The following KDM2B variants were observed in gnomAD, a reference collection of about 807,000 sequenced individuals.
KDM2B encodes the protein lysine-specific demethylase 2B.
In KDM2B, 26 loss-of-function variants were observed where a neutral mutation model predicts 150.0. That is an observed-to-expected ratio of 0.17 (90% CI 0.13 to 0.24). KDM2B has a LOEUF of 0.24. Ranked by LOEUF, KDM2B falls within the 10% of genes least tolerant of loss-of-function variation. The pLI, the probability that KDM2B is intolerant of heterozygous loss-of-function variation, is 1.00. For synonymous variants in KDM2B, 734 were observed against 729.5 expected, an observed-to-expected ratio of 1.01 and a Z score of -0.10; for missense variants, 1,265 against 1,816.9, an observed-to-expected ratio of 0.70 and a Z score of 5.52.
chr12:121,444,599 C>T lies in KDM2B; in HGVS notation c.2104-63G>A, dbSNP rs1593759941. 8 of 1,352,276 alleles carry T rather than the reference C, an allele frequency of 5.9e-6. No homozygotes were observed. In the East Asian group the frequency reaches 1.8e-4, roughly 31 times the overall value. The allele number at this position is 1,352,276 out of a possible 1,614,324, so 83.8% of individuals were successfully genotyped here. A position where few individuals can be genotyped will look rare whatever the true frequency, so the allele number is the denominator to read the frequency against. ...GAGAAGATGGCCCACGGGCACAAGG[C>T]TCTGTGACGCCACGTCTTCCAGAAG... On this transcript the variant is annotated intron_variant, in intron 14 of 22. Transcript: ENST00000377071.
intron 4 of KDM2B, among the ~76,000 whole-genome samples, chr12:121,563,042 G>A (rs1457035991): frequency 6.6e-6 from 1 of 152,190 alleles, no homozygotes; most frequent in Non-Finnish European, 1.5e-5. Context: ...GTGGGCCCTG[G>A]TGCAATGGCT....
In KDM2B at chr12:121,538,736, TCAAGCCTC is replaced by T. The variant is rs1888367989; in HGVS notation, c.684-4154_684-4147del. ...AGATAAGCACAGGGAGGCTTGTGAC[TCAAGCCTC>T]GAGTTCGGGTCCAGCCTCCAGTTCG... is the stretch of plus-strand genomic sequence containing the variant. On this transcript the variant is annotated intron_variant, in intron 6 of 22. Transcript: ENST00000377071. Among the ~76,000 whole-genome samples the T allele has an allele frequency of 3.3e-5, 5 of 152,232 alleles. No homozygotes were observed. In the South Asian group the frequency reaches 1.0e-3, roughly 32 times the overall value.
chr12:121,574,514 A>G (rs1555316545), intron 4 of KDM2B, 33 bp downstream of exon 4: 1 of 1,608,522 alleles, frequency 6.2e-7, no homozygotes, highest in Non-Finnish European at 8.5e-7. Flanking sequence ...CTACTTCAGC[A>G]TGTCTGAGCC....
At chr12:121,580,316 G>C (rs1477053900) in intron 1 of KDM2B, 1 of 1,040,358 alleles carries the variant, frequency 9.6e-7, no homozygotes, top group Non-Finnish European at 1.2e-6. Flanking sequence ...ATCGCGCTCG[G>C]AGCCCGCGGC....
chr12:121,458,076 C>G (rs577086032), intron 12 of KDM2B, among the ~76,000 whole-genome samples: 5 of 152,116 alleles, frequency 3.3e-5, no homozygotes, highest in Admixed American at 1.3e-4. Flanking sequence ...AGACTCAACG[C>G]GACCCCAAGC....
chr12:121,494,359 T>A, intron 12 of KDM2B: 1 of 476,216 alleles, frequency 2.1e-6, no homozygotes, highest in Middle Eastern at 5.9e-4. Context: ...GTTTTCCAAG[T>A]GACCACCAGG....
At position 121,547,369 on chromosome 12, in the gene KDM2B, AAG is replaced by A. The variant is rs201645439; in HGVS notation, c.683+1506_683+1507del. On this transcript the variant is annotated intron_variant, in intron 6 of 22. Transcript: ENST00000377071. ...AAACCGCCTACAAAGTAATTAAAGA[AAG>A]AGAGAGAGAGAGAGCTTGAAAGCAA... is the stretch of plus-strand genomic sequence containing the variant. Among the ~76,000 whole-genome samples the A allele has an allele frequency of 1.3e-4, 19 of 151,394 alleles. No homozygotes were observed. In the South Asian group the frequency reaches 1.7e-3, roughly 13 times the overall value.
intron 4 of KDM2B, chr12:121,574,326 A>C: frequency 2.1e-6 from 1 of 487,450 alleles, no homozygotes; most frequent in Middle Eastern, 5.7e-4. Context: ...TGGGCCTCAT[A>C]AAACTGTGTA....
intron 4 of KDM2B, among the ~76,000 whole-genome samples, chr12:121,554,375 T>G (rs1349254615): frequency 6.6e-6 from 1 of 152,082 alleles, no homozygotes; most frequent in East Asian, 1.9e-4. Context: ...GTATACCTTG[T>G]ATATATCATG....
intron 12 of KDM2B, among the ~76,000 whole-genome samples, chr12:121,466,451 G>C (rs1555294787): frequency 6.6e-6 from 1 of 152,156 alleles, no homozygotes; most frequent in African/African-American, 2.4e-5. Flanking sequence ...GGTCCCGAGA[G>C]AGGTTGCTTT....
Position 121,520,844 on chromosome 12 carries a change from A to C in KDM2B, c.1047+141T>G. 5.0e-5 allele frequency: 16 copies of C among 321,614 alleles called. No homozygotes were observed. Among genetic ancestry groups the C allele is most frequent in the South Asian group, 1.0e-4 (4 of 39,492 alleles). 19.9% of individuals were successfully genotyped at this position (321,614 alleles called of 1,614,324 possible). On this transcript the variant is annotated intron_variant, in intron 9 of 22. Transcript: ENST00000377071. The surrounding 1 kb of genome is among the most constrained non-coding windows in gnomAD (Gnocchi z 4.5). ...GCCCCCCCTCCCCCGCCACAGAACC[A>C]GGACTGAAGCCAGCTTGAGAGAGGA... is the stretch of plus-strand genomic sequence containing the variant.
rs1555288052 is a variant in KDM2B at position 121,440,952 on chromosome 12, G to T, written c.3474C>A (p.Gly1158=). ...GGGCCGAGACCGCGATCCATGAGCA[G>T]CCTGACAGCACCAAGTCCCGGAGCC... The part of the protein sequence containing the change: ...LPGLRDLVLS[G]CSWIAVSALC... Residue 1158 remains glycine, a synonymous_variant, in exon 21 of 23, where the codon GGC becomes GGA. Transcript: ENST00000377071. The T allele has an allele frequency of 6.2e-7, 1 of 1,614,084 alleles. No individual in the cohort carries two copies. Among genetic ancestry groups the T allele is most frequent in the Admixed American group, 1.7e-5 (1 of 60,016 alleles).
At position 121,442,616 on chromosome 12, in the gene KDM2B, G is replaced by A. The variant is rs782700172; in HGVS notation, c.2825C>T (p.Pro942Leu). 1 of 1,602,390 alleles carries A rather than the reference G, an allele frequency of 6.2e-7. No homozygotes were observed. The highest frequency in any genetic ancestry group is 1.1e-5 in the South Asian group (1 of 90,874). Residue 942 changes from proline (P) to leucine (L), a missense_variant, in exon 19 of 23, where the codon CCC (proline) becomes CTC (leucine). Physicochemically the swap from Pro to Leu is moderately conservative, Grantham distance 98 (BLOSUM62 -3). Around this residue, in one of 11 missense-constraint regions of KDM2B, gnomAD observed 418 missense variants for 402.4 expected, o/e 1.04. Transcript: ENST00000377071. This position sits in a 1 kb window ranked among gnomAD's most constrained non-coding sequence, Gnocchi z 7.7. ...KVKMRRKRRL[P>L]NKELSRELSK... ...CAGCTCCCTGCTCAGCTCCTTGTTG[G>A]GAAGCCGCCGCTTCCGGCGCATCTT...
intron 6 of KDM2B, among the ~76,000 whole-genome samples, chr12:121,544,613 C>A (rs557459483): frequency 8.9e-5 from 13 of 145,482 alleles, no homozygotes; most frequent in South Asian, 8.7e-4. Flanking sequence ...CCGTCCCCCC[C>A]CAAAAAAAGA....
intron 12 of KDM2B, among the ~76,000 whole-genome samples, chr12:121,472,706 C>T (rs1177950470): frequency 1.3e-5 from 2 of 152,100 alleles, no homozygotes; most frequent in Admixed American, 1.3e-4. Flanking sequence ...CATGTTTTTC[C>T]ACCACTCACC....
chr12:121,432,452 T>C (rs1471841334), intron 22 of KDM2B, among the ~76,000 whole-genome samples: 2 of 152,132 alleles, frequency 1.3e-5, no homozygotes, highest in African/African-American at 4.8e-5. Flanking sequence ...TGTTGACCAG[T>C]TAGATTTGAA....
chr12:121,581,308 G>A, upstream of KDM2B: 1 of 169,602 alleles, frequency 5.9e-6, no homozygotes, highest in South Asian at 1.5e-4. Context: ...CGGTGGAAAG[G>A]TGCATGGTGC....
At position 121,430,846 on chromosome 12, in the gene KDM2B, G is replaced by T. The variant is rs1872877614; in HGVS notation, c.3830-377C>A. ...TTCTCATCTAATATGTTGTTGATGA[G>T]TACTGCTCTATGTCTATTACTGTGC... is the stretch of plus-strand genomic sequence containing the variant. On this transcript the variant is annotated intron_variant, in intron 22 of 22. Transcript: ENST00000377071. The surrounding 1 kb of genome is among the most constrained non-coding windows in gnomAD (Gnocchi z 4.4). Among the ~76,000 whole-genome samples the T allele has an allele frequency of 6.6e-6, 1 of 152,190 alleles. No homozygotes were observed. Among genetic ancestry groups the T allele is most frequent in the African/African-American group, 2.4e-5 (1 of 41,430 alleles).
chr12:121,414,994 G>C, the KDM2B span, among the ~76,000 whole-genome samples: 3 of 152,210 alleles, frequency 2.0e-5, no homozygotes, highest in Admixed American at 6.5e-5. Context: ...TGCTGGGGAG[G>C]CTGAGGCAGG....
Sources: gnomAD v4.1 joint callset for allele counts (sites outside exome capture counted in the v4.1 genomes callset) on GRCh38, gnomAD v4.1.1 for gene constraint, gnomAD v4.1.1 regional missense constraint, Gnocchi (gnomAD v3.1) non-coding constraint, MANE v1.5 for transcripts, NCBI Gene and HGNC (gene_info 2026-07-23, HGNC 2026-07-21) for gene names.